The following TAS2R1 variants were observed in gnomAD, a reference collection of about 807,000 sequenced individuals.
The protein encoded by TAS2R1 is taste receptor type 2 member 1.
For missense variants in TAS2R1, 370 were observed against 353.4 expected, an observed-to-expected ratio of 1.05 and a Z score of -0.38; for synonymous variants, 141 against 134.2, an observed-to-expected ratio of 1.05 and a Z score of -0.35.
chr5:9,781,129 T>A, the TAS2R1 span, among the ~76,000 whole-genome samples: 1 of 152,228 alleles, frequency 6.6e-6, no homozygotes, highest in Admixed American at 6.5e-5. Context: ...ATGACCCTGA[T>A]TCATATTTTC....
the TAS2R1 span, among the ~76,000 whole-genome samples, chr5:9,806,551 C>A: frequency 6.6e-6 from 1 of 151,968 alleles, no homozygotes; most frequent in African/African-American, 2.4e-5. Flanking sequence ...AAATCATAGA[C>A]CAAAGGAACA....
chr5:9,685,590 A>G (rs1230239266), intron 1 of TAS2R1, among the ~76,000 whole-genome samples: 1 of 152,142 alleles, frequency 6.6e-6, no homozygotes, highest in Non-Finnish European at 1.5e-5. Flanking sequence ...ACTGTGTCTA[A>G]GTTTAGGCAG....
At chr5:9,862,976 A>G in the TAS2R1 span, 1 of 152,162 alleles carries the variant, frequency 6.6e-6, no homozygotes, top group Non-Finnish European at 1.5e-5. Context: ...ATGTCCTCGA[A>G]AGATCTTGAC....
chr5:9,629,024 G>A lies in TAS2R1; in HGVS notation c.*109C>T, dbSNP rs1739812634. 4 of 1,177,160 alleles carry A rather than the reference G, an allele frequency of 3.4e-6. No individual in the cohort carries two copies. The highest frequency in any genetic ancestry group is 4.7e-6 in the Non-Finnish European group (4 of 856,352). The allele number at this position is 1,177,160 out of a possible 1,614,324, so 72.9% of individuals were successfully genotyped here. On this transcript the variant is annotated 3_prime_UTR_variant, in exon 1 of 1. Transcript: ENST00000382492. Reference sequence around the variant, plus strand: ...CAGGCTGGATAAACAGGCCTGAAGGGGACATGTTGTATATTTATGAACAGG... The same window carrying A: ...CAGGCTGGATAAACAGGCCTGAAGGAGACATGTTGTATATTTATGAACAGG...
the TAS2R1 span, among the ~76,000 whole-genome samples, chr5:9,788,832 T>A: frequency 6.6e-6 from 1 of 152,212 alleles, no homozygotes; most frequent in Admixed American, 6.5e-5. Flanking sequence ...AAAACTAGAA[T>A]AAATTTTCTA....
chr5:9,861,172 G>A, the TAS2R1 span, among the ~76,000 whole-genome samples: 1 of 151,226 alleles, frequency 6.6e-6, no homozygotes, highest in Non-Finnish European at 1.5e-5. Flanking sequence ...GAAATGAAAT[G>A]CAAAGGGACA....
At chr5:9,848,919 C>T in the TAS2R1 span, among the ~76,000 whole-genome samples, 1 of 152,284 alleles carries the variant, frequency 6.6e-6, no homozygotes, top group East Asian at 1.9e-4. Context: ...CTTCAGGAAA[C>T]CGTCCATGAC....
chr5:9,891,274 G>C, the TAS2R1 span, among the ~76,000 whole-genome samples: 4 of 152,068 alleles, frequency 2.6e-5, no homozygotes, highest in Non-Finnish European at 5.9e-5. Flanking sequence ...GGACGTTAAA[G>C]AGCTATGCAA....
chr5:9,785,432 T>A, the TAS2R1 span, among the ~76,000 whole-genome samples: 1 of 152,260 alleles, frequency 6.6e-6, no homozygotes. Context: ...TTGTATTATG[T>A]ATTCTGCAGT....
At chr5:9,829,487 C>G in the TAS2R1 span, among the ~76,000 whole-genome samples, 1 of 152,104 alleles carries the variant, frequency 6.6e-6, no homozygotes, top group Non-Finnish European at 1.5e-5. Context: ...ATCATTTGAC[C>G]AATGACCAAA....
At chr5:9,729,351 C>A in the TAS2R1 span, among the ~76,000 whole-genome samples, 1 of 152,166 alleles carries the variant, frequency 6.6e-6, no homozygotes, top group African/African-American at 2.4e-5. Flanking sequence ...GCAAGTTGAT[C>A]TGGCCTCTCC....
chr5:9,810,216 C>T, the TAS2R1 span, among the ~76,000 whole-genome samples: 1 of 152,148 alleles, frequency 6.6e-6, no homozygotes, highest in Non-Finnish European at 1.5e-5. Context: ...GCAAGGTCAC[C>T]GATGTCTTTA....
the TAS2R1 span, among the ~76,000 whole-genome samples, chr5:9,732,362 T>G: frequency 6.6e-6 from 1 of 152,134 alleles, no homozygotes; most frequent in Non-Finnish European, 1.5e-5. Flanking sequence ...TGGATGTTAT[T>G]CTGAGTGAAT....
the TAS2R1 span, among the ~76,000 whole-genome samples, chr5:9,741,419 G>A: frequency 6.6e-6 from 1 of 152,030 alleles, no homozygotes. Flanking sequence ...AGTCACCCAC[G>A]GATGCTGACT....
At chr5:9,659,027 AT>A (rs1740473209) in intron 2 of TAS2R1, among the ~76,000 whole-genome samples, 1 of 152,176 alleles carries the variant, frequency 6.6e-6, no homozygotes, top group Non-Finnish European at 1.5e-5. Flanking sequence ...ATGCCTGTAA[AT>A]TTTATCCCCT....
At chr5:9,827,849 A>T in the TAS2R1 span, among the ~76,000 whole-genome samples, 1 of 152,164 alleles carries the variant, frequency 6.6e-6, no homozygotes, top group African/African-American at 2.4e-5. Context: ...AAAATCCAGC[A>T]ATTCCTTATT....
chr5:9,894,595 G>A, the TAS2R1 span, among the ~76,000 whole-genome samples: 274 of 152,292 alleles, frequency 1.8e-3, no homozygotes, highest in South Asian at 3.9e-3. Context: ...AGAACTACAT[G>A]AAAATAAATT....
chr5:9,842,784 C>T, the TAS2R1 span, among the ~76,000 whole-genome samples: 1 of 152,034 alleles, frequency 6.6e-6, no homozygotes, highest in East Asian at 1.9e-4. Context: ...TTTACTAGGG[C>T]CTCTCCTGCT....
chr5:9,834,517 A>C, the TAS2R1 span, among the ~76,000 whole-genome samples: 1 of 152,228 alleles, frequency 6.6e-6, no homozygotes, highest in Non-Finnish European at 1.5e-5. Flanking sequence ...TATTTACGCT[A>C]ATGTGTTCAC....
Sources: allele counts gnomAD v4.1 joint callset (sites outside exome capture counted in the v4.1 genomes callset), GRCh38; gene constraint gnomAD v4.1.1; transcripts MANE v1.5; gene names NCBI Gene and HGNC (gene_info 2026-07-23, HGNC 2026-07-21).